The following ACVR2A variants were observed in gnomAD, a reference collection of about 807,000 sequenced individuals.
The protein encoded by ACVR2A is activin receptor type-2A.
Under a neutral mutation model 61.4 loss-of-function variants are expected in ACVR2A, and 7 were observed. The observed-to-expected ratio is 0.11, with a 90% CI of 0.06 to 0.21. The LOEUF is 0.21. Ranked by LOEUF, ACVR2A falls within the 10% of genes least tolerant of loss-of-function variation. The pLI is 1.00. For synonymous variants in ACVR2A, 193 were observed against 208.3 expected, an observed-to-expected ratio of 0.93 and a Z score of 0.63; for missense variants, 322 against 621.7, an observed-to-expected ratio of 0.52 and a Z score of 5.13.
At chr2:147,925,132 A>C (rs567813984) in intron 9 of ACVR2A, among the ~76,000 whole-genome samples, 16 of 152,084 alleles carry the variant, frequency 1.1e-4, no homozygotes, top group African/African-American at 3.6e-4. Flanking sequence ...CTGTCAAAGG[A>C]AGGCAATCCA....
At chr2:147,845,319 C>T (rs1052980265) in intron 1 of ACVR2A, 112 bp downstream of exon 1, 4 of 878,150 alleles carry the variant, frequency 4.6e-6, no homozygotes, top group Non-Finnish European at 6.8e-6. Flanking sequence ...GGGGAGGTTG[C>T]CCACTCCCTG....
At chr2:147,903,875 A>G (rs969196635) in intron 4 of ACVR2A, among the ~76,000 whole-genome samples, 9 of 152,010 alleles carry the variant, frequency 5.9e-5, no homozygotes, top group African/African-American at 2.2e-4. Context: ...CAGTATTTGT[A>G]TGGAATAATC....
chr2:147,889,572 G>A (rs1686529219), intron 1 of ACVR2A, among the ~76,000 whole-genome samples: 1 of 151,814 alleles, frequency 6.6e-6, no homozygotes. Context: ...GTGAAACCCT[G>A]TTTCCACTAA....
intron 2 of ACVR2A, among the ~76,000 whole-genome samples, chr2:147,897,812 A>G (rs1240037667): frequency 6.6e-6 from 1 of 152,186 alleles, no homozygotes; most frequent in Non-Finnish European, 1.5e-5. Flanking sequence ...TTTTCCAGGG[A>G]TTATTTCTAT....
intron 1 of ACVR2A, among the ~76,000 whole-genome samples, chr2:147,892,190 T>G (rs1686604063): frequency 6.6e-6 from 1 of 152,060 alleles, no homozygotes; most frequent in South Asian, 2.1e-4. Flanking sequence ...CAGGCTGGTC[T>G]CAAACTCCTG....
intron 1 of ACVR2A, among the ~76,000 whole-genome samples, chr2:147,850,797 G>C (rs1685426231): frequency 6.6e-6 from 1 of 152,102 alleles, no homozygotes; most frequent in Non-Finnish European, 1.5e-5. Flanking sequence ...TTTCTTGTTA[G>C]TCACTTTTGT....
intron 1 of ACVR2A, among the ~76,000 whole-genome samples, chr2:147,870,010 T>G (rs1017021086): frequency 8.0e-5 from 12 of 149,520 alleles, no homozygotes; most frequent in Non-Finnish European, 1.5e-4. Flanking sequence ...AGTAAAAGAG[T>G]TGGAAAGGTG....
At chr2:147,888,015 T>A (rs1686485821) in intron 1 of ACVR2A, among the ~76,000 whole-genome samples, 1 of 152,192 alleles carries the variant, frequency 6.6e-6, no homozygotes, top group South Asian at 2.1e-4. Flanking sequence ...GTGAGGACAT[T>A]CAAAATGTAT....
At chr2:147,864,384 A>G (rs1206965080) in intron 1 of ACVR2A, among the ~76,000 whole-genome samples, 1 of 151,808 alleles carries the variant, frequency 6.6e-6, no homozygotes, top group Admixed American at 6.6e-5. Flanking sequence ...CGCGCTCTAC[A>G]ACGCCCCGCT....
intron 1 of ACVR2A, among the ~76,000 whole-genome samples, chr2:147,871,356 T>A (rs1183007466): frequency 6.6e-6 from 1 of 152,164 alleles, no homozygotes; most frequent in Non-Finnish European, 1.5e-5. Context: ...TGCATTTAGC[T>A]CCTGCTAATA....
At chr2:147,845,016 T>TTTTGTTTTTTTTTTTG (rs1685266908), upstream of ACVR2A, 1 of 210,810 alleles carries the variant, frequency 4.7e-6, no homozygotes, top group Admixed American at 6.4e-5. Context: ...TTTTTTTTTT[T>TTTTGTTTTTTTTTTTG]TTTTTTTTTT....
At chr2:147,900,513 C>G (rs991725441) in intron 4 of ACVR2A, 3 of 151,978 alleles carry the variant, frequency 2.0e-5, no homozygotes, top group African/African-American at 7.2e-5. Flanking sequence ...TTTTAAGGCT[C>G]TTGATTGTCA....
chr2:147,910,227 A>G (rs1045763277), intron 4 of ACVR2A, among the ~76,000 whole-genome samples: 3 of 152,080 alleles, frequency 2.0e-5, no homozygotes, highest in Admixed American at 6.6e-5. Flanking sequence ...TGGGAAATGT[A>G]TTGGGCAGAG....
intron 1 of ACVR2A, among the ~76,000 whole-genome samples, chr2:147,882,819 A>G (rs1686340646): frequency 6.6e-6 from 1 of 151,590 alleles, no homozygotes; most frequent in Non-Finnish European, 1.5e-5. Flanking sequence ...ACAAGAGGAA[A>G]AAAAATTTCT....
chr2:147,880,557 T>A lies in ACVR2A; in HGVS notation c.56-15744T>A, dbSNP rs146290638. ...TTACTTGTCTATCATTCCTTCCTTC[T>A]GTCTTACCTTGCAGGATAAATTAGA... On this transcript the variant is annotated intron_variant, in intron 1 of 10. Coordinates refer to ENST00000241416, the MANE Select transcript of ACVR2A (RefSeq NM_001616.5). Among the ~76,000 whole-genome samples, 613 of 152,312 alleles carry A rather than the reference T, an allele frequency of 4.0e-3. 4 individuals are homozygous for A. Among genetic ancestry groups the A allele is most frequent in the African/African-American group, 0.014 (587 of 41,568 alleles).
intron 1 of ACVR2A, among the ~76,000 whole-genome samples, chr2:147,876,551 G>T (rs185408837): frequency 6.6e-6 from 1 of 152,108 alleles, no homozygotes; most frequent in East Asian, 1.9e-4. Context: ...TGGACTGTGT[G>T]GCACCTAGGG....
At chr2:147,857,569 C>T (rs983792387) in intron 1 of ACVR2A, among the ~76,000 whole-genome samples, 5 of 147,584 alleles carry the variant, frequency 3.4e-5, no homozygotes, top group African/African-American at 1.2e-4. Flanking sequence ...ACCCCTAACA[C>T]TTGCTTTATC....
intron 1 of ACVR2A, among the ~76,000 whole-genome samples, chr2:147,854,724 A>G (rs1685527227): frequency 6.6e-6 from 1 of 152,222 alleles, no homozygotes. Flanking sequence ...GAAGACAGAT[A>G]TGATTATGCC....
At chr2:147,857,545 A>C (rs557766740) in intron 1 of ACVR2A, among the ~76,000 whole-genome samples, 84 of 151,704 alleles carry the variant, frequency 5.5e-4, no homozygotes, top group East Asian at 4.6e-3. Context: ...AAAAAAAAAA[A>C]AAAAAACAAA....
Sources: gnomAD v4.1 joint callset for allele counts (sites outside exome capture counted in the v4.1 genomes callset) on GRCh38, gnomAD v4.1.1 for gene constraint, MANE v1.5 for transcripts, NCBI Gene and HGNC (gene_info 2026-07-23, HGNC 2026-07-21) for gene names.